The following IGSF21 variants were observed in gnomAD, a reference collection of about 807,000 sequenced individuals.
IGSF21 encodes immunoglobin superfamily member 21.
IGSF21 carries 28 observed loss-of-function variants against 46.8 expected under a neutral mutation model. The ratio of observed to expected loss-of-function variants is 0.60; its 90% CI spans 0.44 to 0.82. IGSF21 has a LOEUF of 0.82. Ranked by LOEUF, IGSF21 falls within the 40% of genes least tolerant of loss-of-function variation. The pLI, the probability that IGSF21 is intolerant of heterozygous loss-of-function variation, is 0.00. For missense variants in IGSF21, 624 were observed against 665.5 expected, an observed-to-expected ratio of 0.94 and a Z score of 0.69; for synonymous variants, 284 against 273.6, an observed-to-expected ratio of 1.04 and a Z score of -0.38.
chr1:18,365,628 G>T lies in IGSF21; in HGVS notation c.946G>T (p.Glu316Ter). 1.2e-6 allele frequency: 2 copies of T among 1,614,196 alleles called. No individual in the cohort carries two copies. The change falls in exon 6 of 10, where the codon GAG (glutamate) becomes TAG (stop). Residue 316 changes from glutamate to a stop codon, truncating the protein, a stop_gained. Coordinates refer to ENST00000251296, the MANE Select transcript of IGSF21 (RefSeq NM_032880.5). LOFTEE classifies it high-confidence loss of function. This position sits in a 1 kb window ranked among gnomAD's most constrained non-coding sequence, Gnocchi z 4.8. ...GACCCTCAACCCACAGATCGACAAC[G>T]AGGCCCTCTTCAGCTGCGAGGTCAA... is the stretch of plus-strand genomic sequence containing the variant. ...TWTLNPQIDN[E>*]ALFSCEVKHP...
At chr1:18,288,989 A>C (rs1489759954) in intron 2 of IGSF21, among the ~76,000 whole-genome samples, 1 of 152,182 alleles carries the variant, frequency 6.6e-6, no homozygotes, top group Non-Finnish European at 1.5e-5. Context: ...CTCAGCCTGA[A>C]ACAGAGATTT....
chr1:18,165,210 C>A (rs2086667148), intron 1 of IGSF21, among the ~76,000 whole-genome samples: 2 of 152,194 alleles, frequency 1.3e-5, no homozygotes, highest in African/African-American at 2.4e-5. Flanking sequence ...CAAAATACCA[C>A]AAACTGGGTG....
intron 1 of IGSF21, among the ~76,000 whole-genome samples, chr1:18,209,402 G>A (rs185662020): frequency 6.6e-6 from 1 of 152,118 alleles, no homozygotes; most frequent in East Asian, 1.9e-4. Context: ...GGTGACCTGG[G>A]CCCAGGGCCT....
At chr1:18,328,075 G>A (rs1030245367) in intron 3 of IGSF21, among the ~76,000 whole-genome samples, 2 of 152,126 alleles carry the variant, frequency 1.3e-5, no homozygotes, top group South Asian at 2.1e-4. Flanking sequence ...AGAAGTAGAC[G>A]GATGTAGACT....
chr1:18,118,643 G>A (rs777701670), intron 1 of IGSF21, among the ~76,000 whole-genome samples: 4 of 152,184 alleles, frequency 2.6e-5, no homozygotes, highest in African/African-American at 4.8e-5. Context: ...CTTTGTTTCC[G>A]TCTGCAGCAG....
chr1:18,237,670 A>C lies in IGSF21; in HGVS notation c.183+9660A>C, dbSNP rs557503920. Among the ~76,000 whole-genome samples, 4 of 152,334 alleles carry C rather than the reference A, an allele frequency of 2.6e-5. No individual in the cohort carries two copies. The East Asian group carries it at 5.8e-4, about 22-fold the overall frequency. On this transcript the variant is annotated intron_variant, in intron 2 of 9. Coordinates refer to ENST00000251296, the MANE Select transcript of IGSF21 (RefSeq NM_032880.5). ...GCTGTGTTCTCTCAGCGTTTTGTACATTCTTCAATTAGAGAGACAGCACCT... is the reference window on the plus strand; with the variant it reads ...GCTGTGTTCTCTCAGCGTTTTGTACCTTCTTCAATTAGAGAGACAGCACCT...
chr1:18,338,115 G>A (rs777416959), intron 4 of IGSF21, among the ~76,000 whole-genome samples: 21 of 152,172 alleles, frequency 1.4e-4, no homozygotes, highest in Admixed American at 9.2e-4. Flanking sequence ...GGACTTGGCC[G>A]AGGTTGGAGG....
intron 1 of IGSF21, among the ~76,000 whole-genome samples, chr1:18,123,723 A>G (rs1195088810): frequency 1.3e-5 from 2 of 152,090 alleles, no homozygotes; most frequent in Non-Finnish European, 2.9e-5. Context: ...ATACAACAGC[A>G]AGGATAAAGG....
At chr1:18,190,186 C>T (rs1244051365) in intron 1 of IGSF21, among the ~76,000 whole-genome samples, 15 of 152,228 alleles carry the variant, frequency 9.9e-5, no homozygotes, top group Non-Finnish European at 1.5e-5. Context: ...TGCCTCTTCC[C>T]TCAATTCAGG....
At chr1:18,152,836 T>C (rs530671346) in intron 1 of IGSF21, among the ~76,000 whole-genome samples, 3 of 152,250 alleles carry the variant, frequency 2.0e-5, no homozygotes, top group African/African-American at 7.2e-5. Flanking sequence ...GATCTGGCCT[T>C]AGCTCTGCCA....
chr1:18,120,320 C>A (rs1202652954), intron 1 of IGSF21, among the ~76,000 whole-genome samples: 2 of 152,196 alleles, frequency 1.3e-5, no homozygotes, highest in African/African-American at 4.8e-5. Flanking sequence ...CTGCAGCCAA[C>A]TCTTGGGGGC....
chr1:18,320,333 G>A (rs1034501088), intron 3 of IGSF21, among the ~76,000 whole-genome samples: 5 of 131,572 alleles, frequency 3.8e-5, no homozygotes, highest in South Asian at 2.3e-4. Context: ...ACCACGTAGC[G>A]CAGGACAGTC....
chr1:18,290,662 T>C lies in IGSF21; in HGVS notation c.184-1204T>C, dbSNP rs961533428. ...CAGAGAGATGTGGTCCAAGTCAGCT[T>C]GGGTACATATGTGTCCAGAGGAGCC... is the stretch of plus-strand genomic sequence containing the variant. On this transcript the variant is annotated intron_variant, in intron 2 of 9. Transcript: ENST00000251296. The surrounding 1 kb of genome is among the most constrained non-coding windows in gnomAD (Gnocchi z 4.2). 3.9e-5 allele frequency among the ~76,000 whole-genome samples: 6 copies of C among 152,308 alleles called. No homozygotes were observed. Among genetic ancestry groups the C allele is most frequent in the African/African-American group, 1.4e-4 (6 of 41,570 alleles).
intron 1 of IGSF21, among the ~76,000 whole-genome samples, chr1:18,188,083 C>T (rs1186150747): frequency 6.6e-6 from 1 of 152,192 alleles, no homozygotes; most frequent in Non-Finnish European, 1.5e-5. Flanking sequence ...GGATAAGACA[C>T]TATTCAGCAA....
intron 1 of IGSF21, among the ~76,000 whole-genome samples, chr1:18,158,451 G>C (rs9726285): frequency 0.18 from 27,693 of 152,086 alleles, 3,036 homozygotes; most frequent in African/African-American, 0.31. Context: ...TGGATGGACG[G>C]CTTGTTAATA....
intron 2 of IGSF21, among the ~76,000 whole-genome samples, chr1:18,255,837 T>C (rs2084887360): frequency 6.6e-6 from 1 of 152,174 alleles, no homozygotes; most frequent in Admixed American, 6.5e-5. Flanking sequence ...ACCATCATCT[T>C]AGTCTGAATG....
chr1:18,121,675 C>G (rs2086235088), intron 1 of IGSF21, among the ~76,000 whole-genome samples: 1 of 152,172 alleles, frequency 6.6e-6, no homozygotes, highest in Non-Finnish European at 1.5e-5. Context: ...TTGGCCCTGC[C>G]CCGATGCAGG....
Position 18,178,837 on chromosome 1 carries a change from C to T in IGSF21, c.71-49061C>T, listed in dbSNP as rs111691429. Among the ~76,000 whole-genome samples the T allele has an allele frequency of 3.7e-3, 557 of 152,096 alleles. 5 individuals are homozygous for T. The highest frequency in any genetic ancestry group is 0.013 in the African/African-American group (538 of 41,488). Reference sequence around the variant, plus strand: ...CCAGACCCCCAGGCAGGCAGCAGTTCGGGGAGCGAGCGCAGGGATGCTTAT... The same window carrying T: ...CCAGACCCCCAGGCAGGCAGCAGTTTGGGGAGCGAGCGCAGGGATGCTTAT... On this transcript the variant is annotated intron_variant, in intron 1 of 9. Coordinates refer to ENST00000251296, the MANE Select transcript of IGSF21 (RefSeq NM_032880.5).
intron 1 of IGSF21, among the ~76,000 whole-genome samples, chr1:18,213,377 A>G (rs1428911239): frequency 6.6e-6 from 1 of 152,118 alleles, no homozygotes; most frequent in African/African-American, 2.4e-5. Flanking sequence ...GCTTTTGGGG[A>G]CCATAGGAGG....
Sources: allele counts gnomAD v4.1 joint callset (sites outside exome capture counted in the v4.1 genomes callset), GRCh38; gene constraint gnomAD v4.1.1; non-coding constraint Gnocchi (gnomAD v3.1); transcripts MANE v1.5; gene names NCBI Gene and HGNC (gene_info 2026-07-23, HGNC 2026-07-21).